Variants in TMEM223 observed in about 807,000 individuals in gnomAD.
The protein encoded by TMEM223 is transmembrane protein 223.
A neutral mutation model predicts 14.1 loss-of-function variants in TMEM223; 14 were observed. The ratio of observed to expected loss-of-function variants is 0.99; its 90% CI spans 0.66 to 1.55. TMEM223 has a LOEUF of 1.55. Ranked by LOEUF, TMEM223 falls within the 40% of genes most tolerant of loss-of-function variation. TMEM223 has a pLI of 0.00. For synonymous variants in TMEM223, 145 were observed against 120.5 expected (o/e 1.20, Z -1.33); for missense variants, 346 against 269.9 (o/e 1.28, Z -1.97).
chr11:62,774,244 T>C (rs2084169543), intron 2 of TMEM223, among the ~76,000 whole-genome samples: 1 of 152,012 alleles, frequency 6.6e-6, no homozygotes. Flanking sequence ...GCCCAGCTAA[T>C]TTTTTGTATT....
chr11:62,790,425 A>G lies in TMEM223; in HGVS notation c.*198T>C. 1 of 590,524 alleles carries G rather than the reference A, an allele frequency of 1.7e-6. No homozygotes were observed. The highest frequency in any genetic ancestry group is 2.9e-6 in the Non-Finnish European group (1 of 344,844). 36.6% of individuals were successfully genotyped at this position (590,524 alleles called of 1,614,324 possible). ...ACCCTGGTTGTTACTCCATTCTAAGATTGGCGTTTTTTTTTGTTTTTTTTT... is the reference window on the plus strand; with the variant it reads ...ACCCTGGTTGTTACTCCATTCTAAGGTTGGCGTTTTTTTTTGTTTTTTTTT... On this transcript the variant is annotated 3_prime_UTR_variant, in exon 2 of 2. Coordinates refer to ENST00000307366, the MANE Select transcript of TMEM223 (RefSeq NM_001080501.3).
At chr11:62,786,676 T>C, downstream of TMEM223, 1 of 1,611,796 alleles carries the variant, frequency 6.2e-7, no homozygotes, top group South Asian at 1.1e-5. Context: ...CAGCTTTGGG[T>C]CCGGCCTCCC....
intron 1 of TMEM223, among the ~76,000 whole-genome samples, chr11:62,780,484 C>A (rs1000011074): frequency 1.3e-5 from 2 of 151,888 alleles, no homozygotes; most frequent in Non-Finnish European, 2.9e-5. Flanking sequence ...GCACTCCAGC[C>A]TGGGCAACAA....
intron 2 of TMEM223, chr11:62,772,198 A>G (rs2084153716): frequency 6.6e-6 from 3 of 454,994 alleles, no homozygotes; most frequent in Non-Finnish European, 1.3e-5. Context: ...AATCCATATA[A>G]AGCACTTAGC....
chr11:62,782,277 G>A, intron 1 of TMEM223: 1 of 1,614,194 alleles, frequency 6.2e-7, no homozygotes, highest in Non-Finnish European at 8.5e-7. Flanking sequence ...TCAACCCCCT[G>A]AATGACCACT....
chr11:62,789,458 GCTGA>G (rs1406145973), downstream of TMEM223: 3 of 1,613,286 alleles, frequency 1.9e-6, no homozygotes, highest in Non-Finnish European at 8.5e-7. Flanking sequence ...CCTGGCTGGG[GCTGA>G]CTACCTTCCC....
At chr11:62,784,444 C>T (rs1193803867), downstream of TMEM223, among the ~76,000 whole-genome samples, 1 of 151,464 alleles carries the variant, frequency 6.6e-6, no homozygotes, top group African/African-American at 2.4e-5. Context: ...GTAGCTGGGA[C>T]TACAGGCGCC....
chr11:62,782,902 T>G (rs1377944749), downstream of TMEM223: 1 of 1,573,904 alleles, frequency 6.4e-7, no homozygotes, highest in Non-Finnish European at 8.7e-7. Flanking sequence ...TGCATCGTTA[T>G]CTCCAAAATA....
chr11:62,776,063 C>T, intron 1 of TMEM223: 2 of 1,206,240 alleles, frequency 1.7e-6, no homozygotes, highest in South Asian at 1.6e-5. Context: ...CATGCCTTTA[C>T]AGAACTCTAC....
intron 2 of TMEM223, among the ~76,000 whole-genome samples, chr11:62,773,152 ATT>A (rs879376597): frequency 8.7e-6 from 1 of 115,178 alleles, no homozygotes. Flanking sequence ...ATAATTACAA[ATT>A]TTTTTTTTTT....
chr11:62,786,470 C>G (rs373550641), downstream of TMEM223: 194 of 1,585,080 alleles, frequency 1.2e-4, no homozygotes, highest in African/African-American at 2.4e-3. Context: ...TTTGATGGGC[C>G]CAGGTTCCTC....
chr11:62,788,916 C>A, downstream of TMEM223: 2 of 1,265,638 alleles, frequency 1.6e-6, no homozygotes, highest in Non-Finnish European at 1.1e-6. Context: ...GCACAAATAA[C>A]TTCCTGGAAT....
In TMEM223 at chr11:62,777,936, C is replaced by T. The variant is rs748466029; in HGVS notation, c.315-3271G>A. The T allele has an allele frequency of 6.8e-6, 11 of 1,606,922 alleles. No homozygotes were observed. The Admixed American group carries it at 8.4e-5, about 12-fold the overall frequency. Reference sequence around the variant, plus strand: ...CATCCTGGATCCTGACGCCTGCTCCCTCCCTGGATTCAGGCTGCTCTCCAA... The same window carrying T: ...CATCCTGGATCCTGACGCCTGCTCCTTCCCTGGATTCAGGCTGCTCTCCAA... On this transcript the variant is annotated intron_variant, in intron 1 of 2. Transcript: ENST00000528367.
At chr11:62,775,535 G>T in intron 1 of TMEM223, 1 of 451,078 alleles carries the variant, frequency 2.2e-6, no homozygotes, top group African/African-American at 2.0e-5. Context: ...GGGCAGGAAT[G>T]GGACCTAGTT....
downstream of TMEM223, chr11:62,786,526 G>A (rs769890556): frequency 6.4e-7 from 1 of 1,553,734 alleles, no homozygotes; most frequent in African/African-American, 1.4e-5. Context: ...GGTGGCGGTA[G>A]AGCGACTGCT....
At position 62,789,978 on chromosome 11, in the gene TMEM223, G is replaced by C; in HGVS notation, c.*645C>G. ...CTGAAGCCACCCCATACCGGCCTCTGGAGAGGGGTGACCCTGAGTGGAGCT... is the reference window on the plus strand; with the variant it reads ...CTGAAGCCACCCCATACCGGCCTCTCGAGAGGGGTGACCCTGAGTGGAGCT... On this transcript the variant is annotated 3_prime_UTR_variant, in exon 2 of 2. Transcript: ENST00000307366. 6.2e-7 allele frequency: 1 copy of C among 1,614,164 alleles called. No individual in the cohort carries two copies. Among genetic ancestry groups the C allele is most frequent in the East Asian group, 2.2e-5 (1 of 44,884 alleles).
intron 1 of TMEM223, 57 bp downstream of exon 1, chr11:62,791,622 G>A: frequency 1.4e-6 from 2 of 1,469,144 alleles, no homozygotes; most frequent in Non-Finnish European, 9.0e-7. Flanking sequence ...CCTGTATAGG[G>A]AAGGTCGTGT....
At position 62,775,728 on chromosome 11, in the gene TMEM223, G is replaced by A. The variant is rs542682929; in HGVS notation, c.315-1063C>T. On this transcript the variant is annotated intron_variant, in intron 1 of 2. Coordinates refer to the TMEM223 transcript ENST00000528367. ...GTTGGATCACACTCCTGGGCTCTCCGGGAGGCTGGGCAGCTTTTCCAGTCT... is the reference window on the plus strand; with the variant it reads ...GTTGGATCACACTCCTGGGCTCTCCAGGAGGCTGGGCAGCTTTTCCAGTCT... 157 of 1,561,566 alleles carry A rather than the reference G, an allele frequency of 1.0e-4. 1 individual carries two copies. The African/African-American group carries it at 1.7e-3, about 17-fold the overall frequency.
Position 62,778,655 on chromosome 11 carries a change from G to C in TMEM223, c.315-3990C>G. 3 of 612,872 alleles carry C rather than the reference G, an allele frequency of 4.9e-6. No individual in the cohort carries two copies. In the South Asian group the frequency reaches 5.9e-5, roughly 12 times the overall value. 38.0% of individuals were successfully genotyped at this position (612,872 alleles called of 1,614,324 possible). On this transcript the variant is annotated intron_variant, in intron 1 of 2. Coordinates refer to the TMEM223 transcript ENST00000528367. ...AGCTCTCAGGAGTCCGTCTGGCAGA[G>C]GGTGGGTGGAAGACAGGACAGAGCA...
Sources: gnomAD v4.1 joint callset for allele counts (sites outside exome capture counted in the v4.1 genomes callset) on GRCh38, gnomAD v4.1.1 for gene constraint, MANE v1.5 for transcripts, NCBI Gene and HGNC (gene_info 2026-07-23, HGNC 2026-07-21) for gene names.